Variants in LMX1A observed in about 807,000 individuals in gnomAD.
LMX1A encodes LIM homeobox transcription factor 1-alpha.
A neutral mutation model predicts 49.1 loss-of-function variants in LMX1A; 15 were observed. The ratio of observed to expected loss-of-function variants is 0.31; its 90% CI spans 0.20 to 0.47. The LOEUF is 0.47. LMX1A is among the 20% of genes least tolerant of loss of function. LMX1A has a pLI of 1.00. For missense variants in LMX1A, 372 were observed against 475.8 expected (o/e 0.78, Z 2.03); for synonymous variants, 167 against 185.7 (o/e 0.90, Z 0.82).
chr1:165,343,984 C>CT (rs2101765412), intron 3 of LMX1A, among the ~76,000 whole-genome samples: 2 of 152,318 alleles, frequency 1.3e-5, no homozygotes, highest in East Asian at 3.9e-4. Flanking sequence ...TGACAGCTAG[C>CT]TAAGAGCCAA....
chr1:165,293,752 T>G (rs1396176330), intron 3 of LMX1A, among the ~76,000 whole-genome samples: 2 of 152,190 alleles, frequency 1.3e-5, no homozygotes, highest in African/African-American at 4.8e-5. Flanking sequence ...TCTTGCTGTG[T>G]CTTCATAGAG....
chr1:165,213,062 C>A (rs1168819647), intron 5 of LMX1A: 1 of 152,272 alleles, frequency 6.6e-6, no homozygotes, highest in African/African-American at 2.4e-5. Flanking sequence ...TGGACTGTGA[C>A]AGAAGAGAAT....
At chr1:165,242,758 A>T (rs1299882992) in intron 4 of LMX1A, among the ~76,000 whole-genome samples, 3 of 151,500 alleles carry the variant, frequency 2.0e-5, no homozygotes, top group African/African-American at 7.2e-5. Context: ...TTCTCAGGTG[A>T]CTTCTGATTT....
chr1:165,266,858 C>T (rs1653640709), intron 3 of LMX1A, among the ~76,000 whole-genome samples: 1 of 152,140 alleles, frequency 6.6e-6, no homozygotes, highest in Non-Finnish European at 1.5e-5. Context: ...GCCTCAGCCT[C>T]CCAAAGTGCT....
intron 3 of LMX1A, among the ~76,000 whole-genome samples, chr1:165,325,248 T>C (rs943452283): frequency 6.6e-6 from 1 of 152,146 alleles, no homozygotes; most frequent in Admixed American, 6.5e-5. Flanking sequence ...ATCAGTTTGT[T>C]CCCCTTACTT....
chr1:165,248,451 A>ATCC (rs1553205294), intron 4 of LMX1A, among the ~76,000 whole-genome samples: 1 of 151,962 alleles, frequency 6.6e-6, no homozygotes, highest in Non-Finnish European at 1.5e-5. Context: ...GATAAGATGA[A>ATCC]TGCTGAGCTG....
intron 4 of LMX1A, among the ~76,000 whole-genome samples, chr1:165,233,484 T>C (rs1437772701): frequency 6.6e-6 from 1 of 152,192 alleles, no homozygotes; most frequent in African/African-American, 2.4e-5. Flanking sequence ...TACCCAGTTT[T>C]AAACCCTCAG....
intron 3 of LMX1A, among the ~76,000 whole-genome samples, chr1:165,284,539 G>T (rs938426689): frequency 2.0e-5 from 3 of 152,338 alleles, no homozygotes; most frequent in Admixed American, 6.5e-5. Flanking sequence ...ACAGCTAGCG[G>T]CATTTTACAC....
chr1:165,245,189 G>A (rs1469102470), intron 4 of LMX1A, among the ~76,000 whole-genome samples: 1 of 152,074 alleles, frequency 6.6e-6, no homozygotes, highest in Non-Finnish European at 1.5e-5. Flanking sequence ...CAAGTGATCT[G>A]ATCACCCAGG....
At chr1:165,284,182 A>G (rs553594804) in intron 3 of LMX1A, among the ~76,000 whole-genome samples, 3 of 152,254 alleles carry the variant, frequency 2.0e-5, no homozygotes, top group Non-Finnish European at 4.4e-5. Flanking sequence ...GATGACTGTA[A>G]TATCAGCCTT....
chr1:165,213,600 A>T (rs1441034721), intron 5 of LMX1A, 41 bp downstream of exon 5: 3 of 1,572,466 alleles, frequency 1.9e-6, no homozygotes, highest in Non-Finnish European at 2.6e-6. Context: ...CACACAGAGA[A>T]GTGGGGCCCA....
chr1:165,274,642 C>T (rs543185853), intron 3 of LMX1A, among the ~76,000 whole-genome samples: 83 of 152,298 alleles, frequency 5.4e-4, no homozygotes, highest in African/African-American at 1.9e-3. Flanking sequence ...ATGGCCACCA[C>T]CCTCATAAAG....
At chr1:165,236,342 A>G (rs1652440970) in intron 4 of LMX1A, among the ~76,000 whole-genome samples, 1 of 151,890 alleles carries the variant, frequency 6.6e-6, no homozygotes, top group Non-Finnish European at 1.5e-5. Flanking sequence ...TAAATCAATC[A>G]AACAAAAATC....
At chr1:165,314,497 G>A (rs1251089897) in intron 3 of LMX1A, among the ~76,000 whole-genome samples, 1 of 152,096 alleles carries the variant, frequency 6.6e-6, no homozygotes, top group Non-Finnish European at 1.5e-5. Context: ...TTTCTAGCTG[G>A]TCCCCCATCT....
intron 3 of LMX1A, among the ~76,000 whole-genome samples, chr1:165,337,730 A>G (rs1240562756): frequency 6.6e-6 from 1 of 152,102 alleles, no homozygotes; most frequent in Non-Finnish European, 1.5e-5. Flanking sequence ...CCCTGAGTCT[A>G]AGGATATGGG....
intron 3 of LMX1A, among the ~76,000 whole-genome samples, chr1:165,263,758 G>T (rs1282893893): frequency 6.6e-6 from 1 of 152,172 alleles, no homozygotes; most frequent in Non-Finnish European, 1.5e-5. Context: ...ACTTATGAAG[G>T]TTTAAGTAAT....
intron 2 of LMX1A, among the ~76,000 whole-genome samples, chr1:165,354,613 G>A (rs796483834): frequency 2.5e-4 from 38 of 152,298 alleles, no homozygotes; most frequent in African/African-American, 9.1e-4. Flanking sequence ...ATTCCTCACT[G>A]GATTTGGTTT....
intron 3 of LMX1A, among the ~76,000 whole-genome samples, chr1:165,349,090 T>C (rs1301987585): frequency 1.3e-5 from 2 of 152,200 alleles, no homozygotes; most frequent in Non-Finnish European, 2.9e-5. Context: ...GCGATCATGA[T>C]AAACTTCATA....
chr1:165,314,817 T>C (rs886256797), intron 3 of LMX1A, among the ~76,000 whole-genome samples: 1 of 152,176 alleles, frequency 6.6e-6, no homozygotes, highest in African/African-American at 2.4e-5. Context: ...AAGCACCCAA[T>C]AATTATTAGA....
Sources: gnomAD v4.1 joint callset for allele counts (sites outside exome capture counted in the v4.1 genomes callset) on GRCh38, gnomAD v4.1.1 for gene constraint, MANE v1.5 for transcripts, NCBI Gene and HGNC (gene_info 2026-07-23, HGNC 2026-07-21) for gene names.